The following CSMD1 variants were observed in gnomAD, a reference collection of about 807,000 sequenced individuals.
The protein encoded by CSMD1 is CUB and sushi domain-containing protein 1.
CSMD1 carries 213 observed loss-of-function variants against 417.5 expected under a neutral mutation model. That is an observed-to-expected ratio of 0.51 (90% confidence interval 0.46 to 0.57). The LOEUF is 0.57. Among genes scored for constraint, CSMD1 ranks in the 20% least tolerant of loss-of-function variants. CSMD1 has a pLI of 0.00. For missense variants in CSMD1, 6,923 were observed against 4,529.7 expected, an observed-to-expected ratio of 1.53 and a Z score of -15.17; for synonymous variants, 2,862 against 1,736.8, an observed-to-expected ratio of 1.65 and a Z score of -16.11.
At chr8:3,272,397 C>G (rs1262928681) in intron 26 of CSMD1, among the ~76,000 whole-genome samples, 1 of 150,848 alleles carries the variant, frequency 6.6e-6, no homozygotes, top group Non-Finnish European at 1.5e-5. Flanking sequence ...TGGCTCAGGA[C>G]TGACTTGGCA....
intron 47 of CSMD1, among the ~76,000 whole-genome samples, chr8:3,092,579 G>C (rs1047104696): frequency 2.6e-5 from 4 of 152,092 alleles, no homozygotes; most frequent in African/African-American, 9.7e-5. Context: ...ATTTGACAAA[G>C]CCCTGAAATT....
At chr8:4,219,163 G>C (rs1800868453) in intron 3 of CSMD1, among the ~76,000 whole-genome samples, 1 of 152,118 alleles carries the variant, frequency 6.6e-6, no homozygotes, top group Non-Finnish European at 1.5e-5. Context: ...CTGGTGTTGT[G>C]TTCCCATCTC....
chr8:3,849,267 G>T (rs1056175981), intron 5 of CSMD1, among the ~76,000 whole-genome samples: 2 of 152,154 alleles, frequency 1.3e-5, no homozygotes, highest in African/African-American at 2.4e-5. Context: ...GAACACGGGT[G>T]CATGTGAATG....
intron 3 of CSMD1, among the ~76,000 whole-genome samples, chr8:4,092,196 C>T (rs1012444703): frequency 6.6e-6 from 1 of 152,076 alleles, no homozygotes; most frequent in Non-Finnish European, 1.5e-5. Context: ...AATTAATAGA[C>T]ATGTATTGAT....
rs141718646 is a variant in CSMD1 at position 4,781,379 on chromosome 8, C to T, written c.86-143821G>A. 4.6e-3 allele frequency among the ~76,000 whole-genome samples: 707 copies of T among 152,328 alleles called. 6 individuals are homozygous for T. Among genetic ancestry groups the T allele is most frequent in the African/African-American group, 0.016 (679 of 41,578 alleles). On this transcript the variant is annotated intron_variant, in intron 1 of 69. Transcript: ENST00000635120. Reference sequence around the variant, plus strand: ...ATCCCTTTCTAGATCACTCTCTTCTCTATAGTCATTTATCTTACCCCCATC... The same window carrying T: ...ATCCCTTTCTAGATCACTCTCTTCTTTATAGTCATTTATCTTACCCCCATC...
At chr8:3,456,852 G>A (rs538744168) in intron 12 of CSMD1, among the ~76,000 whole-genome samples, 22 of 152,166 alleles carry the variant, frequency 1.4e-4, no homozygotes, top group African/African-American at 2.9e-4. Context: ...ACTGAAACCC[G>A]AGCCCAGGTC....
chr8:3,951,269 C>T (rs1811577250), intron 5 of CSMD1, among the ~76,000 whole-genome samples: 1 of 152,142 alleles, frequency 6.6e-6, no homozygotes, highest in Admixed American at 6.5e-5. Context: ...AGTGGATTTC[C>T]TCCTCAGCCC....
intron 2 of CSMD1, among the ~76,000 whole-genome samples, chr8:4,443,908 G>C (rs762763705): frequency 5.9e-5 from 9 of 152,118 alleles, no homozygotes; most frequent in African/African-American, 1.4e-4. Context: ...ATCTACAGGA[G>C]TCCTCATAAG....
chr8:4,932,376 A>G (rs1475028456), intron 1 of CSMD1, among the ~76,000 whole-genome samples: 1 of 152,094 alleles, frequency 6.6e-6, no homozygotes, highest in Admixed American at 6.6e-5. Context: ...TTCAGAAACT[A>G]GAATATCTAC....
At chr8:4,390,198 C>G (rs1042932654) in intron 3 of CSMD1, among the ~76,000 whole-genome samples, 1 of 152,162 alleles carries the variant, frequency 6.6e-6, no homozygotes, top group African/African-American at 2.4e-5. Flanking sequence ...CTGGTATAAA[C>G]ATGTTTTTGA....
At chr8:4,563,279 T>C (rs1392495208) in intron 2 of CSMD1, among the ~76,000 whole-genome samples, 1 of 152,120 alleles carries the variant, frequency 6.6e-6, no homozygotes, top group African/African-American at 2.4e-5. Context: ...CGGGCACCTG[T>C]AGTCCCAGCT....
At chr8:3,791,944 A>G (rs1053291198) in intron 5 of CSMD1, among the ~76,000 whole-genome samples, 10 of 152,192 alleles carry the variant, frequency 6.6e-5, no homozygotes, top group African/African-American at 9.6e-5. Flanking sequence ...GCACCAACCT[A>G]ATAGCTTATT....
intron 10 of CSMD1, among the ~76,000 whole-genome samples, chr8:3,503,550 T>G (rs1425524974): frequency 1.3e-5 from 2 of 152,232 alleles, no homozygotes; most frequent in African/African-American, 4.8e-5. Context: ...TCTCTGGACC[T>G]TTAAGTATTA....
chr8:4,376,314 C>T (rs1317184289), intron 3 of CSMD1, among the ~76,000 whole-genome samples: 1 of 152,152 alleles, frequency 6.6e-6, no homozygotes, highest in Non-Finnish European at 1.5e-5. Context: ...AAAGTCAGGA[C>T]ATTTTCAAGA....
chr8:3,786,591 G>A (rs988538749), intron 5 of CSMD1, among the ~76,000 whole-genome samples: 18 of 152,092 alleles, frequency 1.2e-4, no homozygotes, highest in Admixed American at 9.8e-4. Flanking sequence ...CAGGAAAATC[G>A]CTGTTGGGCT....
chr8:3,914,263 T>A (rs185199519), intron 5 of CSMD1, among the ~76,000 whole-genome samples: 1 of 152,072 alleles, frequency 6.6e-6, no homozygotes, highest in African/African-American at 2.4e-5. Context: ...GTTAGAGAGG[T>A]TGCATACTTT....
At chr8:4,164,249 C>G (rs187324404) in intron 3 of CSMD1, among the ~76,000 whole-genome samples, 2 of 150,630 alleles carry the variant, frequency 1.3e-5, no homozygotes, top group East Asian at 3.9e-4. Flanking sequence ...TAGAAAAAAA[C>G]AAAATGATGT....
intron 3 of CSMD1, among the ~76,000 whole-genome samples, chr8:4,056,901 T>A (rs1022534392): frequency 6.6e-6 from 1 of 152,092 alleles, no homozygotes; most frequent in Non-Finnish European, 1.5e-5. Flanking sequence ...TTCCATAGAG[T>A]ATATGTGCCA....
At chr8:4,342,406 G>C (rs891404403) in intron 3 of CSMD1, among the ~76,000 whole-genome samples, 8 of 152,066 alleles carry the variant, frequency 5.3e-5, no homozygotes, top group African/African-American at 1.9e-4. Flanking sequence ...TGTGTGAATA[G>C]GTTAATCACT....
Sources: gnomAD v4.1 joint callset for allele counts (sites outside exome capture counted in the v4.1 genomes callset) on GRCh38, gnomAD v4.1.1 for gene constraint, MANE v1.5 for transcripts, NCBI Gene and HGNC (gene_info 2026-07-23, HGNC 2026-07-21) for gene names.